SPOCK3: variants seen among roughly 807,000 people sequenced by gnomAD.
The protein encoded by SPOCK3 is testican-3.
SPOCK3 carries 30 observed loss-of-function variants against 56.6 expected under a neutral mutation model. The observed-to-expected ratio is 0.53, with a 90% CI of 0.40 to 0.72. The LOEUF (loss-of-function observed/expected upper bound fraction) is 0.72. SPOCK3 is among the 30% of genes least tolerant of loss of function. SPOCK3 has a pLI of 0.00. For synonymous variants in SPOCK3, 196 were observed against 183.3 expected, an observed-to-expected ratio of 1.07 and a Z score of -0.56; for missense variants, 527 against 530.0, an observed-to-expected ratio of 0.99 and a Z score of 0.06.
intron 5 of SPOCK3, among the ~76,000 whole-genome samples, chr4:166,900,984 G>C (rs1219668525): frequency 6.6e-6 from 1 of 152,100 alleles, no homozygotes; most frequent in East Asian, 1.9e-4. Context: ...AAATGTCCTT[G>C]TATGTCTCTC....
intron 3 of SPOCK3, among the ~76,000 whole-genome samples, chr4:167,030,510 A>C (rs1580058974): frequency 6.6e-6 from 1 of 152,066 alleles, no homozygotes; most frequent in African/African-American, 2.4e-5. Flanking sequence ...GAAATGTATT[A>C]ATTAAAGGCA....
chr4:166,895,751 A>G (rs867346327), intron 5 of SPOCK3, among the ~76,000 whole-genome samples: 4 of 152,212 alleles, frequency 2.6e-5, no homozygotes, highest in Admixed American at 6.5e-5. Flanking sequence ...GAAATGATCA[A>G]TGGTCACCAA....
chr4:166,960,373 A>T (rs992960500), intron 4 of SPOCK3, among the ~76,000 whole-genome samples: 1 of 152,216 alleles, frequency 6.6e-6, no homozygotes, highest in Non-Finnish European at 1.5e-5. Flanking sequence ...AAGGAGAAAT[A>T]ACTTTAGGTG....
intron 2 of SPOCK3, among the ~76,000 whole-genome samples, chr4:167,121,655 T>C (rs908541329): frequency 6.6e-6 from 1 of 152,172 alleles, no homozygotes; most frequent in Non-Finnish European, 1.5e-5. Flanking sequence ...ACTATTCATT[T>C]CTAATCTTGG....
intron 2 of SPOCK3, among the ~76,000 whole-genome samples, chr4:167,097,094 T>C (rs1283894698): frequency 6.6e-6 from 1 of 151,856 alleles, no homozygotes; most frequent in African/African-American, 2.4e-5. Flanking sequence ...TTATTTTCAT[T>C]AGAGTTAGCA....
intron 2 of SPOCK3, among the ~76,000 whole-genome samples, chr4:167,226,274 G>T (rs911954499): frequency 2.0e-5 from 3 of 152,136 alleles, no homozygotes; most frequent in African/African-American, 7.2e-5. Flanking sequence ...TTAGAAATTA[G>T]CACTCTACTA....
intron 2 of SPOCK3, among the ~76,000 whole-genome samples, chr4:167,113,874 G>T (rs116348410): frequency 0.17 from 25,184 of 151,870 alleles, 2,562 homozygotes; most frequent in African/African-American, 0.26. Flanking sequence ...TCCTTCATTT[G>T]CTGCTTCCCA....
chr4:167,061,788 G>C (rs1755634231), intron 3 of SPOCK3, among the ~76,000 whole-genome samples: 1 of 151,762 alleles, frequency 6.6e-6, no homozygotes, highest in South Asian at 2.1e-4. Context: ...ACTTTGCAGA[G>C]ACTACAGAAA....
chr4:166,777,045 CAG>C lies in SPOCK3; in HGVS notation c.709+15123_709+15124del, dbSNP rs1344113238. On this transcript the variant is annotated intron_variant, in intron 7 of 10. Transcript: ENST00000357545. Reference sequence around the variant, plus strand: ...TATTAAATGCCAGGATTCTAAAACTCAGATACATTTTGTAAATTTTGAATAGT... The same window carrying C: ...TATTAAATGCCAGGATTCTAAAACTCATACATTTTGTAAATTTTGAATAGT... Among the ~76,000 whole-genome samples the C allele has an allele frequency of 1.5e-3, 224 of 152,214 alleles. 1 individual carries two copies. Among genetic ancestry groups the C allele is most frequent in the African/African-American group, 5.1e-3 (213 of 41,536 alleles).
intron 2 of SPOCK3, among the ~76,000 whole-genome samples, chr4:167,086,832 A>T (rs568719925): frequency 6.6e-6 from 1 of 152,208 alleles, no homozygotes; most frequent in South Asian, 2.1e-4. Flanking sequence ...AACGCACAAA[A>T]CAGTTGACTG....
intron 2 of SPOCK3, among the ~76,000 whole-genome samples, chr4:167,153,602 A>C (rs993339840): frequency 6.6e-6 from 1 of 152,188 alleles, no homozygotes; most frequent in East Asian, 1.9e-4. Context: ...TTACCATAGA[A>C]AGTTTTACTG....
At chr4:166,871,053 C>T (rs776614777) in intron 6 of SPOCK3, among the ~76,000 whole-genome samples, 2 of 152,000 alleles carry the variant, frequency 1.3e-5, no homozygotes, top group Non-Finnish European at 2.9e-5. Context: ...CATGTGGAAT[C>T]GTGAGTCAAT....
intron 3 of SPOCK3, among the ~76,000 whole-genome samples, chr4:167,058,778 G>A (rs1260160887): frequency 6.6e-6 from 1 of 152,152 alleles, no homozygotes; most frequent in Non-Finnish European, 1.5e-5. Context: ...AACCAAAACA[G>A]CATGGTACTG....
chr4:166,958,361 G>C (rs758604609), intron 4 of SPOCK3, among the ~76,000 whole-genome samples: 3 of 152,102 alleles, frequency 2.0e-5, no homozygotes, highest in Non-Finnish European at 4.4e-5. Flanking sequence ...GCAGAACTGT[G>C]AGCCAATTAA....
At chr4:166,912,409 G>A (rs1737381181) in intron 5 of SPOCK3, among the ~76,000 whole-genome samples, 1 of 152,004 alleles carries the variant, frequency 6.6e-6, no homozygotes, top group Non-Finnish European at 1.5e-5. Flanking sequence ...ATATCTGAGG[G>A]TTCATAGCTT....
intron 2 of SPOCK3, among the ~76,000 whole-genome samples, chr4:167,177,096 A>G (rs867583232): frequency 2.0e-5 from 3 of 152,118 alleles, no homozygotes; most frequent in African/African-American, 7.2e-5. Flanking sequence ...TCAAGAAACT[A>G]GAAGGGCAAT....
intron 2 of SPOCK3, among the ~76,000 whole-genome samples, chr4:167,198,170 G>C (rs1733148432): frequency 1.3e-5 from 2 of 152,104 alleles, no homozygotes; most frequent in African/African-American, 4.8e-5. Flanking sequence ...TTGAAAATAA[G>C]AATGTCAAAA....
At chr4:167,032,629 CAT>C (rs1752377516) in intron 3 of SPOCK3, among the ~76,000 whole-genome samples, 1 of 151,536 alleles carries the variant, frequency 6.6e-6, no homozygotes, top group Non-Finnish European at 1.5e-5. Flanking sequence ...GCAGAACATA[CAT>C]GTGTGTTTAT....
chr4:166,763,052 C>T (rs1737465611), intron 7 of SPOCK3, among the ~76,000 whole-genome samples: 1 of 151,272 alleles, frequency 6.6e-6, no homozygotes, highest in Admixed American at 6.6e-5. Context: ...ACACAAAGTA[C>T]AATTAACATC....
Sources: allele counts gnomAD v4.1 joint callset (sites outside exome capture counted in the v4.1 genomes callset), GRCh38; gene constraint gnomAD v4.1.1; transcripts MANE v1.5; gene names NCBI Gene and HGNC (gene_info 2026-07-23, HGNC 2026-07-21).